Variants in KANSL1 observed in about 807,000 individuals in gnomAD.
The protein encoded by KANSL1 is KAT8 regulatory NSL complex subunit 1, also known as MLL1/MLL complex subunit KANSL1.
A neutral mutation model predicts 103.6 loss-of-function variants in KANSL1; 22 were observed. The observed-to-expected ratio is 0.21, with a 90% CI of 0.15 to 0.30. The LOEUF (loss-of-function observed/expected upper bound fraction) is 0.30, where lower values mean the gene tolerates loss of function less well. KANSL1 is among the 10% of genes least tolerant of loss of function. KANSL1 has a pLI of 1.00. For missense variants in KANSL1, 1,337 were observed against 1,399.8 expected, an observed-to-expected ratio of 0.96 and a Z score of 0.72; for synonymous variants, 600 against 527.6, an observed-to-expected ratio of 1.14 and a Z score of -1.88.
At chr17:46,099,567 T>TG (rs936851768) in intron 2 of KANSL1, among the ~76,000 whole-genome samples, 4 of 152,194 alleles carry the variant, frequency 2.6e-5, no homozygotes, top group African/African-American at 9.7e-5. Context: ...AATGAGGACT[T>TG]GGTTTCTAAT....
At chr17:46,072,725 A>G (rs190831686) in intron 4 of KANSL1, among the ~76,000 whole-genome samples, 1 of 152,312 alleles carries the variant, frequency 6.6e-6, no homozygotes, top group East Asian at 1.9e-4. Flanking sequence ...ATTTCTGCCT[A>G]TGTGGGGCTA....
intron 1 of KANSL1, among the ~76,000 whole-genome samples, chr17:46,176,257 C>T (rs9914164): frequency 0.029 from 4,474 of 152,296 alleles, 179 homozygotes; most frequent in African/African-American, 0.089. Context: ...AACCCAGGCT[C>T]ACTCCAGCAC....
At chr17:46,166,878 G>A (rs1168872691) in intron 2 of KANSL1, among the ~76,000 whole-genome samples, 1 of 152,124 alleles carries the variant, frequency 6.6e-6, no homozygotes, top group African/African-American at 2.4e-5. Flanking sequence ...TTCTCCCTGA[G>A]GTCTTTATAA....
chr17:46,046,494 G>T (rs1447944837), intron 7 of KANSL1, among the ~76,000 whole-genome samples: 4 of 118,422 alleles, frequency 3.4e-5, no homozygotes, highest in Non-Finnish European at 6.4e-5. Flanking sequence ...CCACACCACT[G>T]CATTCTAGCC....
chr17:46,220,219 A>ATG (rs1555600005), intron 1 of KANSL1, among the ~76,000 whole-genome samples: 1 of 145,984 alleles, frequency 6.9e-6, no homozygotes, highest in Non-Finnish European at 1.5e-5. Context: ...GTTCTTTAAA[A>ATG]TTTTTTTTTT....
At chr17:46,111,754 G>A (rs1336414003) in intron 2 of KANSL1, among the ~76,000 whole-genome samples, 3 of 152,210 alleles carry the variant, frequency 2.0e-5, no homozygotes, top group African/African-American at 7.2e-5. Flanking sequence ...TACACATTTG[G>A]GAAGAAAGGA....
chr17:46,086,142 C>T (rs1173508087), intron 3 of KANSL1, among the ~76,000 whole-genome samples: 1 of 151,960 alleles, frequency 6.6e-6, no homozygotes, highest in Non-Finnish European at 1.5e-5. Flanking sequence ...TATAAAATTA[C>T]TCCTTCAATT....
intron 2 of KANSL1, among the ~76,000 whole-genome samples, chr17:46,118,325 C>A (rs990530983): frequency 6.6e-6 from 1 of 152,238 alleles, no homozygotes; most frequent in Non-Finnish European, 1.5e-5. Context: ...GGTCTGCAAG[C>A]CTCTTAATGA....
At chr17:46,052,794 T>TAAAAAAAA (rs35162336) in intron 6 of KANSL1, among the ~76,000 whole-genome samples, 1 of 118,298 alleles carries the variant, frequency 8.5e-6, no homozygotes. Context: ...AATTTAAAAT[T>TAAAAAAAA]AAAAAAAAAA....
intron 2 of KANSL1, among the ~76,000 whole-genome samples, chr17:46,166,422 G>A (rs1485555857): frequency 2.0e-5 from 3 of 151,574 alleles, no homozygotes; most frequent in African/African-American, 7.3e-5. Context: ...TGAGGCAGCA[G>A]AATCACTTGA....
intron 1 of KANSL1, among the ~76,000 whole-genome samples, chr17:46,201,113 T>C (rs1246591537): frequency 6.6e-6 from 1 of 152,164 alleles, no homozygotes; most frequent in East Asian, 1.9e-4. Flanking sequence ...AGTTTCGCCA[T>C]GTTGGTCAGG....
intron 2 of KANSL1, among the ~76,000 whole-genome samples, chr17:46,139,242 C>T (rs1329886707): frequency 1.3e-5 from 2 of 151,842 alleles, no homozygotes; most frequent in African/African-American, 4.8e-5. Context: ...ATTTTCTCAT[C>T]CTCACAGGGC....
chr17:46,154,875 G>A (rs2045330471), intron 2 of KANSL1, among the ~76,000 whole-genome samples: 1 of 152,094 alleles, frequency 6.6e-6, no homozygotes, highest in South Asian at 2.1e-4. Flanking sequence ...AATGGAGATG[G>A]GGTCTTGCTA....
At chr17:46,170,102 A>ACTGCACTC (rs149305238) in intron 2 of KANSL1, among the ~76,000 whole-genome samples, 4,547 of 151,414 alleles carry the variant, frequency 0.03, 4 homozygotes, top group Non-Finnish European at 0.049. Context: ...AGATCGCACT[A>ACTGCACTC]CTGCACTCCT....
intron 2 of KANSL1, among the ~76,000 whole-genome samples, chr17:46,166,677 C>T (rs2046018218): frequency 6.6e-6 from 1 of 152,040 alleles, no homozygotes; most frequent in Admixed American, 6.6e-5. Context: ...CACAGGTTAG[C>T]ATAAATTCAA....
intron 2 of KANSL1, among the ~76,000 whole-genome samples, chr17:46,116,140 G>C (rs2043035180): frequency 6.6e-6 from 1 of 152,118 alleles, no homozygotes; most frequent in Admixed American, 6.6e-5. Context: ...ACTGAGATAG[G>C]ATTTTATACT....
At chr17:46,196,073 C>G (rs902986974), upstream of KANSL1, 4 of 307,264 alleles carry the variant, frequency 1.3e-5, no homozygotes, top group African/African-American at 9.0e-5. Context: ...GAGACCCTAT[C>G]TCTACAAACA....
At position 46,097,874 on chromosome 17, in the gene KANSL1, T is replaced by C. The variant is rs190618874; in HGVS notation, c.1290-3173A>G. On this transcript the variant is annotated intron_variant, in intron 2 of 14. Coordinates refer to ENST00000432791, the MANE Select transcript of KANSL1 (RefSeq NM_015443.4). Reference sequence around the variant, plus strand: ...GAGTAAGACATGAATTAATACTTAATCATACCATAATAATTAAGACCAAGG... The same window carrying C: ...GAGTAAGACATGAATTAATACTTAACCATACCATAATAATTAAGACCAAGG... 2.5e-3 allele frequency among the ~76,000 whole-genome samples: 368 copies of C among 149,724 alleles called. 5 individuals carry two copies. Among genetic ancestry groups the C allele is most frequent in the Admixed American group, 4.1e-3 (62 of 15,226 alleles).
chr17:46,114,074 C>T (rs1281326261), intron 2 of KANSL1, among the ~76,000 whole-genome samples: 2 of 152,002 alleles, frequency 1.3e-5, no homozygotes, highest in Non-Finnish European at 2.9e-5. Context: ...GAAAAAGATG[C>T]TCAGGGCCAG....
Sources: gnomAD v4.1 joint callset for allele counts (sites outside exome capture counted in the v4.1 genomes callset) on GRCh38, gnomAD v4.1.1 for gene constraint, MANE v1.5 for transcripts, NCBI Gene and HGNC (gene_info 2026-07-23, HGNC 2026-07-21) for gene names.